Variants in LGSN observed in about 807,000 individuals in gnomAD.
The protein encoded by LGSN is lengsin, lens protein with glutamine synthetase domain.
In LGSN, 21 loss-of-function variants were observed where a neutral mutation model predicts 19.5. That is an observed-to-expected ratio of 1.07 (90% CI 0.76 to 1.55). The LOEUF is 1.55. LGSN is among the 40% of genes most tolerant of loss of function. The pLI is 0.00. For missense variants in LGSN, 673 were observed against 608.5 expected (o/e 1.11, Z -1.12); for synonymous variants, 257 against 215.6 (o/e 1.19, Z -1.68).
chr6:63,375,524 G>A, the LGSN span, among the ~76,000 whole-genome samples: 2 of 151,976 alleles, frequency 1.3e-5, no homozygotes, highest in Non-Finnish European at 2.9e-5. Flanking sequence ...AGATTCCCTA[G>A]GTTGATATAT....
the LGSN span, among the ~76,000 whole-genome samples, chr6:63,508,684 AG>A: frequency 6.6e-6 from 1 of 152,124 alleles, no homozygotes; most frequent in Non-Finnish European, 1.5e-5. Context: ...TGGGAGGCCG[AG>A]GCAGGTGGAT....
chr6:63,529,738 T>C, the LGSN span, among the ~76,000 whole-genome samples: 1 of 152,186 alleles, frequency 6.6e-6, no homozygotes, highest in East Asian at 1.9e-4. Context: ...ACACAGTTCA[T>C]CATCCTATCA....
At chr6:63,348,271 T>C in the LGSN span, among the ~76,000 whole-genome samples, 3 of 152,084 alleles carry the variant, frequency 2.0e-5, no homozygotes, top group Admixed American at 1.3e-4. Context: ...CTGGTCAACA[T>C]GGCAAAACCC....
chr6:63,513,423 T>G, the LGSN span, among the ~76,000 whole-genome samples: 2 of 152,118 alleles, frequency 1.3e-5, no homozygotes, highest in Non-Finnish European at 2.9e-5. Flanking sequence ...GGGGATTTTT[T>G]TTTTTATAAG....
At chr6:63,368,603 G>A in the LGSN span, among the ~76,000 whole-genome samples, 113 of 152,088 alleles carry the variant, frequency 7.4e-4, no homozygotes, top group Non-Finnish European at 1.2e-3. Context: ...CTCCACACAC[G>A]CAGCATGTTG....
At chr6:63,562,003 A>G in the LGSN span, among the ~76,000 whole-genome samples, 1 of 152,148 alleles carries the variant, frequency 6.6e-6, no homozygotes, top group Non-Finnish European at 1.5e-5. Flanking sequence ...CATTTTTGGA[A>G]AAAAAATACA....
chr6:63,288,229 A>AT (rs1179016869), intron 2 of LGSN, among the ~76,000 whole-genome samples: 51 of 127,742 alleles, frequency 4.0e-4, no homozygotes, highest in African/African-American at 1.1e-3. Flanking sequence ...TCCATCTCAA[A>AT]AAAATAAATA....
chr6:63,448,641 A>G, the LGSN span, among the ~76,000 whole-genome samples: 1 of 150,018 alleles, frequency 6.7e-6, no homozygotes, highest in African/African-American at 2.4e-5. Flanking sequence ...TACATGGCAT[A>G]TTAAATCCAC....
chr6:63,542,020 G>A, the LGSN span, among the ~76,000 whole-genome samples: 1 of 97,566 alleles, frequency 1.0e-5, no homozygotes, highest in Non-Finnish European at 2.0e-5. Flanking sequence ...TAAAGAAACT[G>A]TGGTGTGTGT....
chr6:63,277,400 AGTC>A lies in LGSN; in HGVS notation c.*2618_*2620del, dbSNP rs1196861733. 1 of 152,214 alleles carries A rather than the reference AGTC, an allele frequency of 6.6e-6. No individual in the cohort carries two copies. Among genetic ancestry groups the A allele is most frequent in the African/African-American group, 2.4e-5 (1 of 41,470 alleles). The allele number at this position is 152,214 out of a possible 1,614,324, so 9.4% of individuals were successfully genotyped here. A position where few individuals can be genotyped will look rare whatever the true frequency, so the allele number is the denominator to read the frequency against. ...TCTCTAGAAGTGGGAATATTGAGGA[AGTC>A]GTCTTTCACTGGTTCTTATACCTTT... is the stretch of plus-strand genomic sequence containing the variant. On this transcript the variant is annotated 3_prime_UTR_variant, in exon 4 of 4. Transcript: ENST00000370657.
At chr6:63,540,182 G>A in the LGSN span, among the ~76,000 whole-genome samples, 1 of 152,158 alleles carries the variant, frequency 6.6e-6, no homozygotes, top group Non-Finnish European at 1.5e-5. Context: ...GTTGGAGAGT[G>A]AATAAACAAA....
chr6:63,549,996 T>C, the LGSN span, among the ~76,000 whole-genome samples: 1 of 152,190 alleles, frequency 6.6e-6, no homozygotes, highest in African/African-American at 2.4e-5. Context: ...ATGTTTGAGA[T>C]GAGGAACACA....
chr6:63,516,534 T>C, the LGSN span, among the ~76,000 whole-genome samples: 2 of 152,192 alleles, frequency 1.3e-5, no homozygotes, highest in Non-Finnish European at 2.9e-5. Context: ...AGTAAGTCCA[T>C]TTAACTTCTT....
At chr6:63,550,355 G>T in the LGSN span, 1 of 152,282 alleles carries the variant, frequency 6.6e-6, no homozygotes, top group South Asian at 2.1e-4. Flanking sequence ...AGAGGCTTGG[G>T]TCACCATTTG....
At chr6:63,485,947 C>G in the LGSN span, among the ~76,000 whole-genome samples, 2 of 152,096 alleles carry the variant, frequency 1.3e-5, no homozygotes, top group Non-Finnish European at 2.9e-5. Flanking sequence ...CCCGGCTGCT[C>G]TGAAACTCCT....
chr6:63,303,897 G>A (rs1207513286), intron 1 of LGSN, among the ~76,000 whole-genome samples: 2 of 152,118 alleles, frequency 1.3e-5, no homozygotes. Context: ...GCTAACCAGA[G>A]AACTTTCTCC....
the LGSN span, among the ~76,000 whole-genome samples, chr6:63,553,666 A>G: frequency 6.6e-6 from 1 of 152,340 alleles, no homozygotes; most frequent in Admixed American, 6.5e-5. Context: ...TGATTGCATT[A>G]TCACTGATTA....
chr6:63,343,092 C>T, the LGSN span, among the ~76,000 whole-genome samples: 450 of 152,218 alleles, frequency 3.0e-3, 3 homozygotes, highest in African/African-American at 0.01. Context: ...TCCTTAATTG[C>T]AATAATGACT....
the LGSN span, among the ~76,000 whole-genome samples, chr6:63,379,877 G>A: frequency 1.3e-5 from 2 of 151,400 alleles, no homozygotes; most frequent in Non-Finnish European, 2.9e-5. Flanking sequence ...TGGTCTTGTT[G>A]CCCAGGCTGG....
Sources: allele counts gnomAD v4.1 joint callset (sites outside exome capture counted in the v4.1 genomes callset), GRCh38; gene constraint gnomAD v4.1.1; transcripts MANE v1.5; gene names NCBI Gene and HGNC (gene_info 2026-07-23, HGNC 2026-07-21).